WNT6: variants seen among roughly 807,000 people sequenced by gnomAD.
The protein encoded by WNT6 is protein Wnt-6.
WNT6 carries 27 observed loss-of-function variants against 33.1 expected under a neutral mutation model. The ratio of observed to expected loss-of-function variants is 0.82; its 90% CI spans 0.60 to 1.12. The LOEUF (loss-of-function observed/expected upper bound fraction) is 1.12. Among genes scored for constraint, WNT6 ranks in the 50% most tolerant of loss-of-function variants. WNT6 has a pLI of 0.00. For synonymous variants in WNT6, 249 were observed against 242.8 expected, an observed-to-expected ratio of 1.03 and a Z score of -0.24; for missense variants, 494 against 535.3, an observed-to-expected ratio of 0.92 and a Z score of 0.76.
At chr2:218,860,992 C>T (rs1455965960) in intron 1 of WNT6, among the ~76,000 whole-genome samples, 1 of 152,216 alleles carries the variant, frequency 6.6e-6, no homozygotes, top group Non-Finnish European at 1.5e-5. Context: ...GCCGCAAACC[C>T]TCGCCCGGAA....
chr2:218,863,895 C>T (rs1944331697), intron 1 of WNT6, among the ~76,000 whole-genome samples: 3 of 152,284 alleles, frequency 2.0e-5, no homozygotes, highest in African/African-American at 7.2e-5. Flanking sequence ...GCCTCTCTGT[C>T]TTTCTCTCAT....
Position 218,873,511 on chromosome 2 carries a change from A to G in WNT6, c.764A>G (p.His255Arg). 1 of 1,538,258 alleles carries G rather than the reference A, an allele frequency of 6.5e-7. No individual in the cohort carries two copies. ...GGCGCGCGGCTGCTGGAGCGCTTCCACGGCGCCTCACGCGTCATGGGCACC... is the reference window on the plus strand; with the variant it reads ...GGCGCGCGGCTGCTGGAGCGCTTCCGCGGCGCCTCACGCGTCATGGGCACC... ...EVGARLLERF[H>R]GASRVMGTND... Residue 255 changes from histidine (H) to arginine (R), a missense_variant, in exon 4 of 4, where the codon CAC becomes CGC. Physicochemically the swap from His to Arg is conservative, Grantham distance 29. Transcript: ENST00000233948. This position sits in a 1 kb window ranked among gnomAD's most constrained non-coding sequence, Gnocchi z 6.1.
In WNT6 at chr2:218,873,288, C is replaced by A; in HGVS notation, c.637-96C>A. ...TGTCTGCATTTTCCTCTCTTCCTTT[C>A]ACCTCCCATTCCCAATCTTATTTTC... On this transcript the variant is annotated intron_variant, in intron 3 of 3. Transcript: ENST00000233948. The surrounding 1 kb of genome is among the most constrained non-coding windows in gnomAD (Gnocchi z 6.1). The A allele has an allele frequency of 8.1e-7, 1 of 1,240,014 alleles. No individual in the cohort carries two copies. The highest frequency in any genetic ancestry group is 1.1e-6 in the Non-Finnish European group (1 of 909,326). The allele number at this position is 1,240,014 out of a possible 1,614,324, so 76.8% of individuals were successfully genotyped here. A position where few individuals can be genotyped will look rare whatever the true frequency, so the allele number is the denominator to read the frequency against.
At position 218,860,286 on chromosome 2, in the gene WNT6, C is replaced by T. The variant is rs565576751; in HGVS notation, c.80+169C>T. ...ACTCCACTTCGACGTTCCTAACCCT[C>T]GGGAACATTCTATTGTGTTTCCTCC... On this transcript the variant is annotated intron_variant, in intron 1 of 3. Coordinates refer to ENST00000233948, the MANE Select transcript of WNT6 (RefSeq NM_006522.4). Among the ~76,000 whole-genome samples the T allele has an allele frequency of 1.4e-3, 215 of 152,312 alleles. 2 individuals carry two copies. Among genetic ancestry groups the T allele is most frequent in the African/African-American group, 5.1e-3 (213 of 41,576 alleles).
At chr2:218,868,902 T>C (rs570671654) in intron 1 of WNT6, among the ~76,000 whole-genome samples, 16 of 152,324 alleles carry the variant, frequency 1.1e-4, no homozygotes, top group African/African-American at 3.6e-4. Flanking sequence ...TCTTATCTCC[T>C]GACCCTGCAC....
At chr2:218,869,278 C>T (rs1396193987) in intron 1 of WNT6, among the ~76,000 whole-genome samples, 1 of 152,076 alleles carries the variant, frequency 6.6e-6, no homozygotes, top group East Asian at 1.9e-4. Flanking sequence ...GTGTTGTAGA[C>T]CATAAAGGAC....
chr2:218,873,710 C>G lies in WNT6; in HGVS notation c.963C>G (p.Asp321Glu). The change falls in exon 4 of 4, where the codon GAC becomes GAG. Residue 321 changes from aspartate (D) to glutamate (E), a missense_variant. By Grantham distance (45) the Asp-to-Glu change is conservative. Transcript: ENST00000233948. The surrounding 1 kb of genome is among the most constrained non-coding windows in gnomAD (Gnocchi z 6.1). ...NSSAPDLSGC[D>E]LLCCGRGHRQ... ...GCGCCCCGGACCTCAGCGGCTGCGA[C>G]CTGCTGTGCTGCGGCCGCGGGCACC... 1 of 1,575,754 alleles carries G rather than the reference C, an allele frequency of 6.3e-7. No homozygotes were observed. Among genetic ancestry groups the G allele is most frequent in the South Asian group, 1.1e-5 (1 of 87,606 alleles).
chr2:218,874,013 C>A lies in WNT6; in HGVS notation c.*168C>A. The A allele has an allele frequency of 1.2e-6, 1 of 817,306 alleles. No individual in the cohort carries two copies. 50.6% of individuals were successfully genotyped at this position (817,306 alleles called of 1,614,324 possible). ...GAGGCGAGGGGCTTGAGAGGAACGC[C>A]CACCCACGAAGGCCCAGGGCGCCAG... On this transcript the variant is annotated 3_prime_UTR_variant, in exon 4 of 4. Coordinates refer to ENST00000233948, the MANE Select transcript of WNT6 (RefSeq NM_006522.4).
At chr2:218,860,776 G>A (rs1294672492) in intron 1 of WNT6, among the ~76,000 whole-genome samples, 1 of 152,020 alleles carries the variant, frequency 6.6e-6, no homozygotes, top group Non-Finnish European at 1.5e-5. Flanking sequence ...GGGGTCCTGC[G>A]GGAAGGGAGA....
At chr2:218,866,682 A>C (rs767273288) in intron 1 of WNT6, among the ~76,000 whole-genome samples, 4 of 152,168 alleles carry the variant, frequency 2.6e-5, no homozygotes, top group Non-Finnish European at 4.4e-5. Context: ...GTTAAGTCTC[A>C]TCATCCATCT....
intron 1 of WNT6, among the ~76,000 whole-genome samples, chr2:218,863,717 C>T (rs1944329935): frequency 6.6e-6 from 1 of 152,218 alleles, no homozygotes; most frequent in East Asian, 1.9e-4. Flanking sequence ...GGAGTGGTGG[C>T]AGGTGCCTGT....
In WNT6 at chr2:218,873,913, G is replaced by C. The variant is rs1050208209; in HGVS notation, c.*68G>C. ...CGCACCTGTGGGACCTCAGGGCACC[G>C]GCACCGGGCGCCTCTCGCCGCTCGA... On this transcript the variant is annotated 3_prime_UTR_variant, in exon 4 of 4. Transcript: ENST00000233948. The surrounding 1 kb of genome is among the most constrained non-coding windows in gnomAD (Gnocchi z 6.1). 1 of 1,368,122 alleles carries C rather than the reference G, an allele frequency of 7.3e-7. No homozygotes were observed. Among genetic ancestry groups the C allele is most frequent in the Non-Finnish European group, 9.4e-7 (1 of 1,059,806 alleles). The allele number at this position is 1,368,122 out of a possible 1,614,324, so 84.7% of individuals were successfully genotyped here. A position where few individuals can be genotyped will look rare whatever the true frequency, so the allele number is the denominator to read the frequency against.
chr2:218,860,813 G>T (rs1944301362), intron 1 of WNT6, among the ~76,000 whole-genome samples: 2 of 151,638 alleles, frequency 1.3e-5, no homozygotes, highest in Non-Finnish European at 2.9e-5. Context: ...AGGGAAGGGG[G>T]CGTCTTCCCA....
chr2:218,860,920 G>T (rs927865425), intron 1 of WNT6, among the ~76,000 whole-genome samples: 3 of 152,016 alleles, frequency 2.0e-5, no homozygotes, highest in Non-Finnish European at 4.4e-5. Flanking sequence ...GAAGGAGGGT[G>T]CCCGACCGGG....
intron 1 of WNT6, among the ~76,000 whole-genome samples, chr2:218,862,477 C>T (rs13403439): frequency 0.014 from 2,143 of 151,498 alleles, 57 homozygotes; most frequent in African/African-American, 0.049. Context: ...TCCCAAGTAG[C>T]TGGGACTACA....
chr2:218,868,485 G>T (rs1346780896), intron 1 of WNT6, among the ~76,000 whole-genome samples: 1 of 152,148 alleles, frequency 6.6e-6, no homozygotes, highest in African/African-American at 2.4e-5. Context: ...AGAAGTAAGG[G>T]AAGTGGGGGT....
chr2:218,870,789 A>G (rs1056849806), intron 1 of WNT6, among the ~76,000 whole-genome samples: 15 of 152,260 alleles, frequency 9.9e-5, no homozygotes, highest in African/African-American at 3.6e-4. Flanking sequence ...AGATGTGTGC[A>G]GGAAGATAAG....
At position 218,860,046 on chromosome 2, in the gene WNT6, G is replaced by A. The variant is rs775915456; in HGVS notation, c.9G>A (p.Pro3=). 10 of 1,510,090 alleles carry A rather than the reference G, an allele frequency of 6.6e-6. 1 individual carries two copies. In the Admixed American group the frequency reaches 1.7e-4, roughly 25 times the overall value. The allele number at this position is 1,510,090 out of a possible 1,614,324, so 93.5% of individuals were successfully genotyped here. The change falls in exon 1 of 4, where the codon CCG becomes CCA. Residue 3 remains proline (P), a synonymous_variant. Transcript: ENST00000233948. ML[P]PLPSRLGLLL... Reference sequence around the variant, plus strand: ...GCCGTAGGGCGGTCACGATGCTGCCGCCCTTACCCTCCCGCCTCGGGCTGC... The same window carrying A: ...GCCGTAGGGCGGTCACGATGCTGCCACCCTTACCCTCCCGCCTCGGGCTGC...
intron 1 of WNT6, among the ~76,000 whole-genome samples, chr2:218,869,253 C>G (rs1944379780): frequency 6.7e-6 from 1 of 150,144 alleles, no homozygotes; most frequent in Non-Finnish European, 1.5e-5. Flanking sequence ...AATGCACGTG[C>G]ACACACACGT....
Sources: allele counts gnomAD v4.1 joint callset (sites outside exome capture counted in the v4.1 genomes callset), GRCh38; gene constraint gnomAD v4.1.1; non-coding constraint Gnocchi (gnomAD v3.1); transcripts MANE v1.5; gene names NCBI Gene and HGNC (gene_info 2026-07-23, HGNC 2026-07-21).